APBB2: variants seen among roughly 807,000 people sequenced by gnomAD.
The protein encoded by APBB2 is amyloid beta precursor protein binding family B member 2, also known as Fe65-like 1.
APBB2 carries 38 observed loss-of-function variants against 82.5 expected under a neutral mutation model. The observed-to-expected ratio is 0.46, with a 90% CI of 0.36 to 0.60. The LOEUF (loss-of-function observed/expected upper bound fraction) is 0.60, where lower values mean the gene tolerates loss of function less well. Among genes scored for constraint, APBB2 ranks in the 20% least tolerant of loss-of-function variants. APBB2 has a pLI of 0.00. For synonymous variants in APBB2, 341 were observed against 368.2 expected, an observed-to-expected ratio of 0.93 and a Z score of 0.85; for missense variants, 772 against 972.3, an observed-to-expected ratio of 0.79 and a Z score of 2.74.
chr4:40,938,191 G>A (rs952373491), intron 7 of APBB2, among the ~76,000 whole-genome samples: 7 of 152,202 alleles, frequency 4.6e-5, no homozygotes, highest in Non-Finnish European at 8.8e-5. Flanking sequence ...TGACATTCTG[G>A]TACCACAGTC....
At chr4:40,846,652 C>A (rs1053634273) in intron 12 of APBB2, among the ~76,000 whole-genome samples, 3 of 152,156 alleles carry the variant, frequency 2.0e-5, no homozygotes, top group Non-Finnish European at 4.4e-5. Flanking sequence ...ACTGTCCTGC[C>A]CAGCAGCGCC....
intron 2 of APBB2, among the ~76,000 whole-genome samples, chr4:41,123,267 C>G (rs1236261772): frequency 6.6e-6 from 1 of 152,002 alleles, no homozygotes; most frequent in Non-Finnish European, 1.5e-5. Context: ...AGACAGCCGG[C>G]ACTCACTAAA....
At chr4:40,897,101 G>T (rs941186311) in intron 10 of APBB2, among the ~76,000 whole-genome samples, 7 of 152,142 alleles carry the variant, frequency 4.6e-5, no homozygotes, top group Non-Finnish European at 8.8e-5. Flanking sequence ...TTCTCTCCTT[G>T]GAATCCAAGA....
chr4:41,048,463 T>C (rs974137715), intron 4 of APBB2, among the ~76,000 whole-genome samples: 1 of 152,202 alleles, frequency 6.6e-6, no homozygotes, highest in Non-Finnish European at 1.5e-5. Flanking sequence ...TCAATCCTTA[T>C]AACCACTCCA....
chr4:41,090,933 C>CT (rs1348500480), intron 3 of APBB2, among the ~76,000 whole-genome samples: 3 of 152,148 alleles, frequency 2.0e-5, no homozygotes, highest in Non-Finnish European at 4.4e-5. Context: ...GCACCAAAAC[C>CT]TAATGTCATT....
intron 10 of APBB2, among the ~76,000 whole-genome samples, chr4:40,925,659 G>T (rs1782440255): frequency 6.6e-6 from 1 of 152,104 alleles, no homozygotes; most frequent in Non-Finnish European, 1.5e-5. Context: ...TCAATTATAA[G>T]AACTACATGC....
intron 4 of APBB2, among the ~76,000 whole-genome samples, chr4:41,061,261 T>A (rs866407784): frequency 1.4e-4 from 21 of 152,264 alleles, no homozygotes; most frequent in African/African-American, 4.8e-4. Flanking sequence ...ATTCCTGGAA[T>A]ATAGTCATGT....
chr4:41,061,307 A>G (rs1365734307), intron 4 of APBB2, among the ~76,000 whole-genome samples: 1 of 152,258 alleles, frequency 6.6e-6, no homozygotes, highest in Non-Finnish European at 1.5e-5. Flanking sequence ...TGAGAAATGC[A>G]TCGTTGGGCG....
intron 2 of APBB2, among the ~76,000 whole-genome samples, chr4:41,129,876 A>G (rs1231479545): frequency 6.6e-6 from 1 of 152,152 alleles, no homozygotes; most frequent in Non-Finnish European, 1.5e-5. Flanking sequence ...AAATGTAAGT[A>G]AAGTATGCAG....
intron 10 of APBB2, among the ~76,000 whole-genome samples, chr4:40,918,767 T>TTTG (rs1553858048): frequency 8.0e-5 from 12 of 149,408 alleles, no homozygotes; most frequent in African/African-American, 2.0e-4. Flanking sequence ...CTGTTTTTTT[T>TTTG]TTTGTTTGTT....
chr4:40,902,235 G>T (rs1775504700), intron 10 of APBB2, among the ~76,000 whole-genome samples: 1 of 152,158 alleles, frequency 6.6e-6, no homozygotes, highest in Non-Finnish European at 1.5e-5. Flanking sequence ...TTCCAAGGAG[G>T]TTAGACAGCA....
chr4:40,829,921 G>A (rs1315097378), intron 13 of APBB2, among the ~76,000 whole-genome samples: 1 of 152,196 alleles, frequency 6.6e-6, no homozygotes, highest in Non-Finnish European at 1.5e-5. Context: ...CCCTGCATTT[G>A]CAGAAACCCT....
intron 12 of APBB2, among the ~76,000 whole-genome samples, chr4:40,862,537 C>A (rs1229746595): frequency 6.6e-6 from 1 of 152,190 alleles, no homozygotes; most frequent in East Asian, 1.9e-4. Flanking sequence ...CAAACTATAA[C>A]GTGCATCATA....
chr4:41,087,306 T>G (rs944599046), intron 3 of APBB2, among the ~76,000 whole-genome samples: 2 of 152,226 alleles, frequency 1.3e-5, no homozygotes, highest in Admixed American at 1.3e-4. Flanking sequence ...AAATCAGCAT[T>G]TATTCTCTTT....
intron 10 of APBB2, among the ~76,000 whole-genome samples, chr4:40,908,432 C>T (rs371837123): frequency 3.9e-5 from 6 of 152,170 alleles, no homozygotes; most frequent in Admixed American, 2.0e-4. Flanking sequence ...TTCCTGTCAC[C>T]GCGCCTTGCT....
intron 4 of APBB2, among the ~76,000 whole-genome samples, chr4:41,039,071 G>C (rs1720361812): frequency 6.6e-6 from 1 of 152,182 alleles, no homozygotes; most frequent in Admixed American, 6.5e-5. Flanking sequence ...AAATGAGAAG[G>C]AGCTTTCATT....
intron 10 of APBB2, among the ~76,000 whole-genome samples, chr4:40,897,896 CTCAAAGTATTTAA>C (rs778712435): frequency 5.0e-4 from 76 of 152,108 alleles, no homozygotes; most frequent in East Asian, 3.9e-4. Context: ...ATGGGAAGAG[CTCAAAGTATTTAA>C]TCAAGTCATC....
At chr4:40,897,053 A>G (rs921966724) in intron 10 of APBB2, among the ~76,000 whole-genome samples, 1 of 152,248 alleles carries the variant, frequency 6.6e-6, no homozygotes, top group African/African-American at 2.4e-5. Context: ...AAAAGAATTC[A>G]GTAACAACAA....
chr4:40,921,387 T>C (rs546961447), intron 10 of APBB2, among the ~76,000 whole-genome samples: 3 of 152,212 alleles, frequency 2.0e-5, no homozygotes, highest in Non-Finnish European at 4.4e-5. Context: ...ATGGGAATAA[T>C]AACTTCATCT....
Sources: gnomAD v4.1 joint callset for allele counts (sites outside exome capture counted in the v4.1 genomes callset) on GRCh38, gnomAD v4.1.1 for gene constraint, MANE v1.5 for transcripts, NCBI Gene and HGNC (gene_info 2026-07-23, HGNC 2026-07-21) for gene names.